The following GRIK4 variants were observed in gnomAD, a reference collection of about 807,000 sequenced individuals.
The protein encoded by GRIK4 is glutamate receptor ionotropic, kainate 4.
Under a neutral mutation model 104.9 loss-of-function variants are expected in GRIK4, and 40 were observed. The observed-to-expected ratio is 0.38, with a 90% confidence interval of 0.30 to 0.50. The LOEUF (loss-of-function observed/expected upper bound fraction) is 0.50, where lower values mean the gene tolerates loss of function less well. Ranked by LOEUF, GRIK4 falls within the 20% of genes least tolerant of loss-of-function variation. The pLI is 0.93. For missense variants in GRIK4, 1,047 were observed against 1,308.1 expected, an observed-to-expected ratio of 0.80 and a Z score of 3.08; for synonymous variants, 485 against 524.9, an observed-to-expected ratio of 0.92 and a Z score of 1.04.
At position 120,531,636 on chromosome 11, in the gene GRIK4, C is replaced by T. The variant is rs527836468; in HGVS notation, c.-159+19749C>T. ...TGTTGCTCAGGCTGGAGTGCAGTGG[C>T]GCAGTCTCGGCTCACTGGAACCTCT... On this transcript the variant is annotated intron_variant, in intron 1 of 20. Coordinates refer to ENST00000527524, the MANE Select transcript of GRIK4 (RefSeq NM_014619.5). Among the ~76,000 whole-genome samples the T allele has an allele frequency of 1.5e-4, 23 of 151,642 alleles. 1 individual carries two copies. Among genetic ancestry groups the T allele is most frequent in the East Asian group, 7.8e-4 (4 of 5,160 alleles).
At chr11:120,821,337 A>T (rs1953122379) in intron 6 of GRIK4, among the ~76,000 whole-genome samples, 2 of 152,224 alleles carry the variant, frequency 1.3e-5, no homozygotes. Flanking sequence ...GGAGGGAAAG[A>T]GATAGGTCAT....
chr11:120,813,231 C>G (rs2135529989), intron 4 of GRIK4, among the ~76,000 whole-genome samples: 1 of 152,206 alleles, frequency 6.6e-6, no homozygotes, highest in Non-Finnish European at 1.5e-5. Context: ...AGACTTGAAT[C>G]CAGATGCCAA....
chr11:120,875,299 G>C, intron 11 of GRIK4, 56 bp downstream of exon 11: 1 of 1,110,094 alleles, frequency 9.0e-7, no homozygotes, highest in Non-Finnish European at 1.4e-6. Flanking sequence ...CCATTTCATT[G>C]ATGCCTCGGT....
intron 6 of GRIK4, among the ~76,000 whole-genome samples, chr11:120,830,701 G>T (rs1220955691): frequency 6.6e-6 from 1 of 152,094 alleles, no homozygotes; most frequent in Non-Finnish European, 1.5e-5. Flanking sequence ...TTGTCGTGAG[G>T]ACTTACATGA....
At chr11:120,605,571 G>T (rs529998071) in intron 1 of GRIK4, among the ~76,000 whole-genome samples, 5 of 152,220 alleles carry the variant, frequency 3.3e-5, no homozygotes, top group Non-Finnish European at 7.3e-5. Context: ...TGCTGCAAGA[G>T]CTTCCTCTTT....
At chr11:120,527,115 A>G (rs1947865283) in intron 1 of GRIK4, among the ~76,000 whole-genome samples, 1 of 152,228 alleles carries the variant, frequency 6.6e-6, no homozygotes, top group Non-Finnish European at 1.5e-5. Context: ...CAGAGCCAGC[A>G]CCCAGTCCTG....
At chr11:120,923,948 C>T (rs888310084) in intron 13 of GRIK4, among the ~76,000 whole-genome samples, 3 of 152,150 alleles carry the variant, frequency 2.0e-5, no homozygotes, top group Non-Finnish European at 2.9e-5. Context: ...GAATCTAGGA[C>T]AGACTGGTCC....
At chr11:120,684,985 C>A (rs1475311957) in intron 3 of GRIK4, among the ~76,000 whole-genome samples, 4 of 152,074 alleles carry the variant, frequency 2.6e-5, no homozygotes, top group Non-Finnish European at 4.4e-5. Context: ...GCATGAGCCA[C>A]CACACCTGGC....
chr11:120,636,946 G>A (rs1949404241), intron 1 of GRIK4, among the ~76,000 whole-genome samples: 1 of 152,250 alleles, frequency 6.6e-6, no homozygotes, highest in Admixed American at 6.5e-5. Flanking sequence ...GGTCAGAGGT[G>A]TCTATGAGTT....
At chr11:120,810,200 G>A (rs747651469) in intron 4 of GRIK4, among the ~76,000 whole-genome samples, 1 of 152,294 alleles carries the variant, frequency 6.6e-6, no homozygotes, top group Middle Eastern at 3.4e-3. Flanking sequence ...CTTTACATCT[G>A]TCTGTTGAGA....
intron 3 of GRIK4, among the ~76,000 whole-genome samples, chr11:120,801,811 T>C (rs1233307948): frequency 6.6e-6 from 1 of 152,218 alleles, no homozygotes; most frequent in African/African-American, 2.4e-5. Context: ...AGATCCTGTG[T>C]TGATCCCATG....
intron 8 of GRIK4, among the ~76,000 whole-genome samples, chr11:120,846,022 C>A (rs1022712185): frequency 1.3e-5 from 2 of 152,142 alleles, no homozygotes; most frequent in Non-Finnish European, 2.9e-5. Flanking sequence ...TGCTATTGAT[C>A]CAAACCTGTG....
chr11:120,955,705 C>T (rs1037524656), intron 15 of GRIK4, among the ~76,000 whole-genome samples: 7 of 152,202 alleles, frequency 4.6e-5, no homozygotes, highest in Admixed American at 6.5e-5. Flanking sequence ...CAGCCCCATG[C>T]GTGCATTACA....
At chr11:120,689,770 A>G (rs1469189142) in intron 3 of GRIK4, among the ~76,000 whole-genome samples, 1 of 151,624 alleles carries the variant, frequency 6.6e-6, no homozygotes, top group African/African-American at 2.4e-5. Context: ...AAAATAAATC[A>G]CACTCTGCTC....
intron 1 of GRIK4, among the ~76,000 whole-genome samples, chr11:120,548,768 C>T (rs1948110997): frequency 6.6e-6 from 1 of 152,108 alleles, no homozygotes; most frequent in African/African-American, 2.4e-5. Context: ...GCTCCGAGAC[C>T]CCTTCATTTT....
intron 1 of GRIK4, among the ~76,000 whole-genome samples, chr11:120,619,721 A>G (rs1311080964): frequency 2.0e-5 from 3 of 152,130 alleles, no homozygotes; most frequent in Non-Finnish European, 4.4e-5. Flanking sequence ...TGCTATGGCC[A>G]TGTGAAGTGC....
chr11:120,761,188 C>G (rs1951742586), intron 3 of GRIK4, among the ~76,000 whole-genome samples: 1 of 152,172 alleles, frequency 6.6e-6, no homozygotes, highest in East Asian at 1.9e-4. Flanking sequence ...TTGAATTTCT[C>G]TAATGACCAG....
At chr11:120,580,268 T>C (rs1948560057) in intron 1 of GRIK4, among the ~76,000 whole-genome samples, 1 of 137,172 alleles carries the variant, frequency 7.3e-6, no homozygotes, top group African/African-American at 3.5e-5. Context: ...TTTCTTTCTT[T>C]CCTTTCTTTC....
chr11:120,817,049 T>C (rs1952979847), intron 5 of GRIK4, among the ~76,000 whole-genome samples: 1 of 152,204 alleles, frequency 6.6e-6, no homozygotes, highest in Non-Finnish European at 1.5e-5. Context: ...CAGGTCATTA[T>C]TGTAGCAGTG....
Sources: allele counts gnomAD v4.1 joint callset (sites outside exome capture counted in the v4.1 genomes callset), GRCh38; gene constraint gnomAD v4.1.1; transcripts MANE v1.5; gene names NCBI Gene and HGNC (gene_info 2026-07-23, HGNC 2026-07-21).